Variants in TSHZ2 observed in about 807,000 individuals in gnomAD.
TSHZ2 encodes the protein teashirt homolog 2.
TSHZ2 carries 21 observed loss-of-function variants against 74.4 expected under a neutral mutation model. The ratio of observed to expected loss-of-function variants is 0.28; its 90% CI spans 0.20 to 0.41. The LOEUF is 0.41. Ranked by LOEUF, TSHZ2 falls within the 10% of genes least tolerant of loss-of-function variation. The pLI, the probability that TSHZ2 is intolerant of heterozygous loss-of-function variation, is 1.00. For missense variants in TSHZ2, 1,244 were observed against 1,293.5 expected, an observed-to-expected ratio of 0.96 and a Z score of 0.59; for synonymous variants, 540 against 515.3, an observed-to-expected ratio of 1.05 and a Z score of -0.65.
At chr20:53,269,100 T>G (rs895834730) in intron 2 of TSHZ2, among the ~76,000 whole-genome samples, 1 of 152,098 alleles carries the variant, frequency 6.6e-6, no homozygotes, top group Non-Finnish European at 1.5e-5. Context: ...CTGCCTTAGT[T>G]TGTGTTGAGG....
Position 53,283,874 on chromosome 20 carries a change from C to T in TSHZ2, c.*8+27303C>T, listed in dbSNP as rs945108271. ...TTTTTATCCAGGGAAGATTTTCCTG[C>T]ATGCTTGGTCTGTGACCTGGGTTTA... On this transcript the variant is annotated intron_variant, in intron 2 of 2. Transcript: ENST00000371497. 2.2e-4 allele frequency among the ~76,000 whole-genome samples: 34 copies of T among 152,298 alleles called. 1 individual carries two copies. Among genetic ancestry groups the T allele is most frequent in the Admixed American group, 1.3e-3 (20 of 15,298 alleles).
At chr20:53,347,648 A>G (rs1376828284) in intron 2 of TSHZ2, among the ~76,000 whole-genome samples, 1 of 150,770 alleles carries the variant, frequency 6.6e-6, no homozygotes, top group Non-Finnish European at 1.5e-5. Flanking sequence ...TTTTTTTTCC[A>G]ACTTTTACTT....
At chr20:53,443,418 A>G (rs891695101) in intron 2 of TSHZ2, among the ~76,000 whole-genome samples, 2 of 152,170 alleles carry the variant, frequency 1.3e-5, no homozygotes, top group African/African-American at 2.4e-5. Flanking sequence ...ATCTTGATCA[A>G]CTCTAAATAG....
At chr20:52,991,413 G>C (rs61032476) in intron 1 of TSHZ2, among the ~76,000 whole-genome samples, 3 of 133,864 alleles carry the variant, frequency 2.2e-5, no homozygotes, top group African/African-American at 7.4e-5. Context: ...TGTGGGGGGA[G>C]AGAGTGTGAA....
At chr20:52,981,116 C>T (rs1450821570) in intron 1 of TSHZ2, among the ~76,000 whole-genome samples, 1 of 152,184 alleles carries the variant, frequency 6.6e-6, no homozygotes, top group Non-Finnish European at 1.5e-5. Flanking sequence ...AAGTTGGGTA[C>T]ACTGCTGAGT....
At chr20:53,410,868 T>C (rs1346394413) in intron 2 of TSHZ2, among the ~76,000 whole-genome samples, 1 of 151,974 alleles carries the variant, frequency 6.6e-6, no homozygotes, top group Non-Finnish European at 1.5e-5. Context: ...AGAGATGGTG[T>C]TTCACCATTT....
intron 1 of TSHZ2, among the ~76,000 whole-genome samples, chr20:53,239,773 A>C (rs112293975): frequency 1.8e-4 from 27 of 152,296 alleles, no homozygotes; most frequent in African/African-American, 6.0e-4. Flanking sequence ...TTGCTATCAT[A>C]ATTGTTAGGG....
At chr20:53,017,024 C>T (rs1201053932) in intron 1 of TSHZ2, among the ~76,000 whole-genome samples, 1 of 152,136 alleles carries the variant, frequency 6.6e-6, no homozygotes, top group East Asian at 1.9e-4. Flanking sequence ...GTAAGAAACC[C>T]TGTTCATTAC....
chr20:52,974,590 T>A (rs1156956747), intron 1 of TSHZ2, among the ~76,000 whole-genome samples: 1 of 152,190 alleles, frequency 6.6e-6, no homozygotes, highest in Admixed American at 6.5e-5. Context: ...CACCTCCACA[T>A]TTCATTCTGT....
chr20:53,336,496 T>G (rs760314061), intron 2 of TSHZ2, among the ~76,000 whole-genome samples: 1 of 152,186 alleles, frequency 6.6e-6, no homozygotes, highest in Non-Finnish European at 1.5e-5. Context: ...TTGTAAGATC[T>G]CATTGATTGG....
At chr20:53,017,671 C>A (rs995623742) in intron 1 of TSHZ2, among the ~76,000 whole-genome samples, 1 of 152,152 alleles carries the variant, frequency 6.6e-6, no homozygotes, top group South Asian at 2.1e-4. Flanking sequence ...AACAATCCAT[C>A]AAACAGCCTA....
At chr20:52,994,445 A>AATAGATGG (rs1555812746) in intron 1 of TSHZ2, among the ~76,000 whole-genome samples, 1 of 151,480 alleles carries the variant, frequency 6.6e-6, no homozygotes, top group Non-Finnish European at 1.5e-5. Context: ...TGAGTGAATG[A>AATAGATGG]ATGGACGGAT....
chr20:53,283,139 G>A (rs1991097090), intron 2 of TSHZ2, among the ~76,000 whole-genome samples: 1 of 152,118 alleles, frequency 6.6e-6, no homozygotes, highest in African/African-American at 2.4e-5. Flanking sequence ...CTCCAAAGTA[G>A]GATCATGGGT....
intron 1 of TSHZ2, among the ~76,000 whole-genome samples, chr20:53,205,482 A>G (rs1600740575): frequency 6.6e-6 from 1 of 152,216 alleles, no homozygotes; most frequent in Admixed American, 6.5e-5. Flanking sequence ...GATATGCACA[A>G]AGGAAGTTCC....
rs374022276 is a variant in TSHZ2 at position 53,046,322 on chromosome 20, C to T, written c.40+72989C>T. Among the ~76,000 whole-genome samples the T allele has an allele frequency of 1.2e-3, 186 of 152,264 alleles. 4 individuals are homozygous for T. The South Asian group carries it at 0.031, about 25-fold the overall frequency. ...CCCTCCACAGCCACGTGACCTCCGC[C>T]GCCAACATCAGCCATCATCTGGACT... On this transcript the variant is annotated intron_variant, in intron 1 of 2. Coordinates refer to ENST00000371497, the MANE Select transcript of TSHZ2 (RefSeq NM_173485.6).
intron 1 of TSHZ2, among the ~76,000 whole-genome samples, chr20:53,086,030 C>T (rs1985688960): frequency 6.6e-6 from 1 of 152,206 alleles, no homozygotes; most frequent in Non-Finnish European, 1.5e-5. Context: ...TCTCCATCTG[C>T]ACCAATCTCT....
chr20:53,342,209 T>C (rs901889977), intron 2 of TSHZ2, among the ~76,000 whole-genome samples: 2 of 152,072 alleles, frequency 1.3e-5, no homozygotes, highest in Non-Finnish European at 2.9e-5. Context: ...CTGCGTCATT[T>C]TCCTGCTCCA....
intron 2 of TSHZ2, among the ~76,000 whole-genome samples, chr20:53,480,188 C>T (rs1247894313): frequency 6.6e-6 from 1 of 151,688 alleles, no homozygotes; most frequent in Non-Finnish European, 1.5e-5. Flanking sequence ...CCTGCCCCAG[C>T]CTCCTGAGTA....
At chr20:53,176,030 C>A (rs1461488922) in intron 1 of TSHZ2, among the ~76,000 whole-genome samples, 1 of 152,074 alleles carries the variant, frequency 6.6e-6, no homozygotes, top group East Asian at 1.9e-4. Flanking sequence ...GTGCACACAC[C>A]CCTTTAATCC....
Sources: gnomAD v4.1 joint callset for allele counts (sites outside exome capture counted in the v4.1 genomes callset) on GRCh38, gnomAD v4.1.1 for gene constraint, MANE v1.5 for transcripts, NCBI Gene and HGNC (gene_info 2026-07-23, HGNC 2026-07-21) for gene names.